The following ARFGAP1 variants were observed in gnomAD, a reference collection of about 807,000 sequenced individuals.
ARFGAP1 encodes ARF GTPase activating protein 1.
A neutral mutation model predicts 54.0 loss-of-function variants in ARFGAP1; 26 were observed. That is an observed-to-expected ratio of 0.48 (90% CI 0.35 to 0.67). The LOEUF is 0.67. Among genes scored for constraint, ARFGAP1 ranks in the 30% least tolerant of loss-of-function variants. ARFGAP1 has a pLI of 0.00. For missense variants in ARFGAP1, 525 were observed against 535.8 expected, an observed-to-expected ratio of 0.98 and a Z score of 0.20; for synonymous variants, 248 against 211.9, an observed-to-expected ratio of 1.17 and a Z score of -1.48.
chr20:63,286,223 G>A (rs1447030376), intron 11 of ARFGAP1, 143 bp from the exon 12 acceptor site: 9 of 1,547,404 alleles, frequency 5.8e-6, no homozygotes, highest in African/African-American at 1.4e-5. Context: ...GTGTCTGTAC[G>A]TGTGTGCGAG....
intron 10 of ARFGAP1, among the ~76,000 whole-genome samples, chr20:63,285,310 AGG>A (rs1188338244): frequency 6.6e-5 from 10 of 152,202 alleles, no homozygotes; most frequent in African/African-American, 2.4e-4. Flanking sequence ...CTGCCATCCT[AGG>A]GGGTCAAGAG....
At position 63,276,238 on chromosome 20, in the gene ARFGAP1, C is replaced by G; in HGVS notation, c.170+38C>G. 1 of 1,599,448 alleles carries G rather than the reference C, an allele frequency of 6.3e-7. No individual in the cohort carries two copies. Among genetic ancestry groups the G allele is most frequent in the Non-Finnish European group, 8.6e-7 (1 of 1,167,854 alleles). On this transcript the variant is annotated intron_variant, in intron 3 of 12. Coordinates refer to ENST00000370283, the MANE Select transcript of ARFGAP1 (RefSeq NM_018209.4). The surrounding 1 kb of genome is among the most constrained non-coding windows in gnomAD (Gnocchi z 5.2). ...CCGCTCTGGCTCTGCGGAGAGCCTG[C>G]GGCCACCCCAGCATCTGTTCCTGAC...
intron 7 of ARFGAP1, 167 bp downstream of exon 7, chr20:63,279,162 T>C: frequency 1.3e-6 from 1 of 745,030 alleles, no homozygotes; most frequent in Non-Finnish European, 2.3e-6. Flanking sequence ...AAAATGTGGC[T>C]TAAATTTTTC....
In ARFGAP1 at chr20:63,276,473, T is replaced by C. The variant is rs116204160; in HGVS notation, c.171-7T>C. ...CTGGTTGATCTGCTCGATCCTCTGC[T>C]TTCCAGCTTTGTGCGCTCTGTTACT... On this transcript the variant is annotated splice_polypyrimidine_tract_variant and splice_region_variant and intron_variant, in intron 3 of 12. Transcript: ENST00000370283. This position sits in a 1 kb window ranked among gnomAD's most constrained non-coding sequence, Gnocchi z 5.2. 6.5e-4 allele frequency: 1,052 copies of C among 1,608,176 alleles called. 7 individuals carry two copies. The African/African-American group carries it at 0.012, about 19-fold the overall frequency.
rs1021775756 is a variant in ARFGAP1 at position 63,289,476 on chromosome 20, A to C, written c.*1603A>C. On this transcript the variant is annotated 3_prime_UTR_variant, in exon 13 of 13. Coordinates refer to ENST00000370283, the MANE Select transcript of ARFGAP1 (RefSeq NM_018209.4). ...TGCCTGTTTCCACGCCAGCACCTTG[A>C]CTTGGCAGCATGGAGCCAAGGTCTG... The C allele has an allele frequency of 5.3e-5, 8 of 152,264 alleles. No individual in the cohort carries two copies. Among genetic ancestry groups the C allele is most frequent in the Non-Finnish European group, 8.8e-5 (6 of 68,102 alleles). The allele number at this position is 152,264 out of a possible 1,614,324, so 9.4% of individuals were successfully genotyped here.
intron 7 of ARFGAP1, chr20:63,279,200 T>A: frequency 5.5e-6 from 1 of 181,760 alleles, no homozygotes; most frequent in East Asian, 1.6e-4. Context: ...AATCACTTCC[T>A]TTTTTTTTTT....
chr20:63,284,690 A>G (rs1453898087), intron 9 of ARFGAP1, 176 bp from the exon 10 acceptor site: 6 of 1,443,082 alleles, frequency 4.2e-6, no homozygotes, highest in Middle Eastern at 1.8e-4. Flanking sequence ...GTGGCGGCCT[A>G]CTGCCCTTCG....
chr20:63,280,122 A>G (rs1252251259), intron 7 of ARFGAP1, among the ~76,000 whole-genome samples: 1 of 152,100 alleles, frequency 6.6e-6, no homozygotes, highest in Non-Finnish European at 1.5e-5. Flanking sequence ...GACCTGGGCG[A>G]CAGAGTCCGA....
At chr20:63,284,084 G>A (rs2067458509) in intron 9 of ARFGAP1, 2 of 1,385,970 alleles carry the variant, frequency 1.4e-6, no homozygotes, top group Non-Finnish European at 1.9e-6. Context: ...TGTCACCCCT[G>A]CGCAGTACCA....
intron 11 of ARFGAP1, chr20:63,286,070 T>C (rs1213168134): frequency 1.9e-6 from 3 of 1,549,984 alleles, no homozygotes; most frequent in Non-Finnish European, 2.6e-6. Context: ...TGAGGCGCTC[T>C]GCGGACAGAC....
chr20:63,273,422 A>G (rs890729132), intron 1 of ARFGAP1: 2 of 152,216 alleles, frequency 1.3e-5, no homozygotes, highest in African/African-American at 4.8e-5. Context: ...TGAGGGTCCT[A>G]AGAAGGAGAT....
intron 4 of ARFGAP1, 45 bp from the exon 5 acceptor site, chr20:63,277,160 G>C (rs374586099): frequency 6.4e-7 from 1 of 1,555,004 alleles, no homozygotes; most frequent in Non-Finnish European, 8.8e-7. Flanking sequence ...CGAGGGCATC[G>C]CCAGGCGCCT....
rs1422579207 is a variant in ARFGAP1, at chr20:63,288,502, C to G, written c.*629C>G. The G allele has an allele frequency of 2.2e-6, 1 of 456,078 alleles. No individual in the cohort carries two copies. Among genetic ancestry groups the G allele is most frequent in the Non-Finnish European group, 4.4e-6 (1 of 226,782 alleles). The allele number at this position is 456,078 out of a possible 1,614,324, so 28.3% of individuals were successfully genotyped here. A position where few individuals can be genotyped will look rare whatever the true frequency, so the allele number is the denominator to read the frequency against. On this transcript the variant is annotated 3_prime_UTR_variant, in exon 13 of 13. Coordinates refer to ENST00000370283, the MANE Select transcript of ARFGAP1 (RefSeq NM_018209.4). ...AGCACCGTCCCACCACCAAGTTCACCAGGTTCACCAGACACGGCCTCCACA... is the reference window on the plus strand; with the variant it reads ...AGCACCGTCCCACCACCAAGTTCACGAGGTTCACCAGACACGGCCTCCACA...
chr20:63,274,982 C>T (rs534414866), intron 1 of ARFGAP1, among the ~76,000 whole-genome samples: 3 of 152,338 alleles, frequency 2.0e-5, no homozygotes, highest in African/African-American at 4.8e-5. Context: ...GCCACACTGT[C>T]GCCCCCATGC....
rs947890983 is a variant in ARFGAP1, at chr20:63,285,707, G to C, written c.828G>C (p.Ala276=). The change falls in exon 11 of 13, where the codon GCG becomes GCC. Residue 276 remains alanine (A), a synonymous_variant. Transcript: ENST00000370283. The part of the protein sequence containing the change: ...DDVSSGVSQL[A]SKVQGVGSKG... ...TCTCCAGTGGGGTCTCTCAGTTGGC[G>C]TCCAAGGTAGGGAGCCTGCCAGATA... The C allele has an allele frequency of 6.2e-7, 1 of 1,613,522 alleles. No homozygotes were observed.
Position 63,276,559 on chromosome 20 carries a change from C to T in ARFGAP1, c.250C>T (p.Arg84Ter), listed in dbSNP as rs757459121. The T allele has an allele frequency of 7.4e-6, 12 of 1,613,898 alleles. No homozygotes were observed. The highest frequency in any genetic ancestry group is 4.4e-5 in the South Asian group (4 of 91,076). The change falls in exon 4 of 13, where the codon CGA (arginine) becomes TGA (stop). Residue 84 changes from arginine (R) to a stop codon, truncating the protein, a stop_gained. Transcript: ENST00000370283. LOFTEE classifies it high-confidence loss of function. This position sits in a 1 kb window ranked among gnomAD's most constrained non-coding sequence, Gnocchi z 5.2. ...GAAAGCTGGTGGGAATGCTAAGTTC[C>T]GAGAGTTCCTGGAGTCTCAGGAGGA... ...KMKAGGNAKF[R>*]EFLESQEDYD...
intron 7 of ARFGAP1, among the ~76,000 whole-genome samples, chr20:63,280,144 A>G (rs1472435315): frequency 6.8e-6 from 1 of 146,384 alleles, no homozygotes; most frequent in African/African-American, 2.6e-5. Flanking sequence ...TCCATCTCAG[A>G]AAAAAAAAAA....
At chr20:63,282,359 C>T (rs1023825841) in intron 8 of ARFGAP1, among the ~76,000 whole-genome samples, 3 of 152,268 alleles carry the variant, frequency 2.0e-5, no homozygotes, top group African/African-American at 7.2e-5. Flanking sequence ...TTTCTCCTCC[C>T]CCCGAGCTTT....
In ARFGAP1 at chr20:63,276,683, G is replaced by A. The variant is rs780396658; in HGVS notation, c.342+32G>A. ...ATGGGCCCGATTCACTCTTGCCCAT[G>A]GTGTGGGGCTGCCCTGCCGTTTGTG... On this transcript the variant is annotated intron_variant, in intron 4 of 12. Coordinates refer to ENST00000370283, the MANE Select transcript of ARFGAP1 (RefSeq NM_018209.4). The surrounding 1 kb of genome is among the most constrained non-coding windows in gnomAD (Gnocchi z 5.2). The A allele has an allele frequency of 3.8e-6, 6 of 1,573,604 alleles. No individual in the cohort carries two copies. The South Asian group carries it at 5.8e-5, about 15-fold the overall frequency.
Sources: allele counts gnomAD v4.1 joint callset (sites outside exome capture counted in the v4.1 genomes callset), GRCh38; gene constraint gnomAD v4.1.1; non-coding constraint Gnocchi (gnomAD v3.1); transcripts MANE v1.5; gene names NCBI Gene and HGNC (gene_info 2026-07-23, HGNC 2026-07-21).